CCNY: variants seen among roughly 807,000 people sequenced by gnomAD.
The protein encoded by CCNY is cyclin Y.
A neutral mutation model predicts 42.8 loss-of-function variants in CCNY; 19 were observed. The observed-to-expected ratio is 0.44, with a 90% CI of 0.31 to 0.65. The LOEUF is 0.65. Ranked by LOEUF, CCNY falls within the 30% of genes least tolerant of loss-of-function variation. The probability of loss-of-function intolerance (pLI) is 0.07; values close to 1 mark genes in which losing one functional copy is unlikely to be tolerated. For synonymous variants in CCNY, 165 were observed against 162.7 expected (o/e 1.01, Z -0.11); for missense variants, 370 against 437.3 (o/e 0.85, Z 1.37).
chr10:35,269,922 C>T (rs1344845458), intron 3 of CCNY, among the ~76,000 whole-genome samples: 1 of 152,152 alleles, frequency 6.6e-6, no homozygotes, highest in African/African-American at 2.4e-5. Context: ...CCAAGTTCAT[C>T]ACTCTTAAAT....
At chr10:35,254,621 G>A (rs1036245937) in intron 3 of CCNY, among the ~76,000 whole-genome samples, 5 of 151,950 alleles carry the variant, frequency 3.3e-5, no homozygotes, top group Non-Finnish European at 5.9e-5. Context: ...GAGCCCAGGA[G>A]TTCAAGACCA....
At chr10:35,406,832 G>A (rs71487402) in intron 1 of CCNY, among the ~76,000 whole-genome samples, 11 of 151,848 alleles carry the variant, frequency 7.2e-5, no homozygotes, top group African/African-American at 2.4e-4. Context: ...CTCACCTCCC[G>A]GATGGGGCGG....
At chr10:35,405,157 CAG>C (rs1030898685) in intron 1 of CCNY, among the ~76,000 whole-genome samples, 5 of 152,084 alleles carry the variant, frequency 3.3e-5, no homozygotes, top group African/African-American at 7.2e-5. Flanking sequence ...ACAGGTAAAA[CAG>C]GGGAATTGTA....
intron 1 of CCNY, among the ~76,000 whole-genome samples, chr10:35,369,578 C>T (rs1323737251): frequency 1.3e-5 from 2 of 152,138 alleles, no homozygotes; most frequent in African/African-American, 4.8e-5. Flanking sequence ...GAGAAAACTA[C>T]TCTATTGAGG....
At chr10:35,507,135 A>G (rs1477876275) in intron 3 of CCNY, among the ~76,000 whole-genome samples, 1 of 152,214 alleles carries the variant, frequency 6.6e-6, no homozygotes, top group Non-Finnish European at 1.5e-5. Flanking sequence ...GAGAGAAGAA[A>G]GGAATGAAGT....
chr10:35,543,621 A>G (rs534825542), intron 7 of CCNY, among the ~76,000 whole-genome samples: 18 of 152,224 alleles, frequency 1.2e-4, no homozygotes, highest in Non-Finnish European at 1.9e-4. Context: ...ATACTTGATA[A>G]TAAACGACTC....
chr10:35,346,330 T>G (rs567445285), intron 1 of CCNY, among the ~76,000 whole-genome samples: 7 of 152,320 alleles, frequency 4.6e-5, no homozygotes, highest in Non-Finnish European at 8.8e-5. Context: ...CTAGGCTCTC[T>G]GTCTCCCTTT....
chr10:35,429,502 A>G (rs1838338400), intron 1 of CCNY, among the ~76,000 whole-genome samples: 3 of 152,230 alleles, frequency 2.0e-5, no homozygotes, highest in Admixed American at 6.5e-5. Context: ...GAGACAAAAG[A>G]GTTTGAAAAT....
intron 1 of CCNY, among the ~76,000 whole-genome samples, chr10:35,418,470 A>G (rs142655774): frequency 1.2e-4 from 18 of 152,334 alleles, no homozygotes; most frequent in Middle Eastern, 6.8e-3. Context: ...GTTTTCATCT[A>G]TGAAGCAGTG....
Position 35,571,868 on chromosome 10 carries a change from A to C in CCNY, c.*2698A>C, listed in dbSNP as rs1327181207. 1 of 152,366 alleles carries C rather than the reference A, an allele frequency of 6.6e-6. No homozygotes were observed. The highest frequency in any genetic ancestry group is 2.4e-5 in the African/African-American group (1 of 41,464). 9.4% of individuals were successfully genotyped at this position (152,366 alleles called of 1,614,324 possible). A position where few individuals can be genotyped will look rare whatever the true frequency, so the allele number is the denominator to read the frequency against. On this transcript the variant is annotated 3_prime_UTR_variant, in exon 10 of 10. Transcript: ENST00000374704. ...GATGAAGGAAACGACACAATTTGTTACTTTAATTTTATATTTGATTTAAAC... is the reference window on the plus strand; with the variant it reads ...GATGAAGGAAACGACACAATTTGTTCCTTTAATTTTATATTTGATTTAAAC...
chr10:35,278,458 G>A (rs1392580920), intron 3 of CCNY, among the ~76,000 whole-genome samples: 1 of 151,988 alleles, frequency 6.6e-6, no homozygotes, highest in African/African-American at 2.4e-5. Context: ...TTGCCAGCAG[G>A]GATCCAGCTC....
At chr10:35,442,629 A>G (rs1204234163) in intron 1 of CCNY, among the ~76,000 whole-genome samples, 3 of 152,220 alleles carry the variant, frequency 2.0e-5, no homozygotes, top group African/African-American at 7.2e-5. Context: ...AGCATGATGT[A>G]TTTGGTGAGT....
chr10:35,340,558 G>A (rs1836155763), intron 1 of CCNY, among the ~76,000 whole-genome samples: 1 of 148,044 alleles, frequency 6.8e-6, no homozygotes. Flanking sequence ...AGGCTGGAGT[G>A]CAGTGGCATA....
rs183150405 is a variant in CCNY, at chr10:35,374,998, A to G, written c.154+37791A>G. On this transcript the variant is annotated intron_variant, in intron 1 of 9. Transcript: ENST00000374704. ...AATCTCAAGGGAAAAGAGTGTGGCCAGGTCAGGGCCTCTATCTTATGAAAT... is the reference window on the plus strand; with the variant it reads ...AATCTCAAGGGAAAAGAGTGTGGCCGGGTCAGGGCCTCTATCTTATGAAAT... Among the ~76,000 whole-genome samples the G allele has an allele frequency of 6.6e-5, 10 of 152,226 alleles. No individual in the cohort carries two copies. In the East Asian group the frequency reaches 1.9e-3, roughly 29 times the overall value.
intron 1 of CCNY, among the ~76,000 whole-genome samples, chr10:35,462,349 CCT>C (rs1356872082): frequency 4.6e-5 from 7 of 152,136 alleles, no homozygotes; most frequent in Non-Finnish European, 7.3e-5. Flanking sequence ...GTATCCGCTC[CCT>C]TTCTCCTGTA....
chr10:35,260,499 A>C (rs557014241), intron 3 of CCNY, among the ~76,000 whole-genome samples: 3 of 152,230 alleles, frequency 2.0e-5, no homozygotes, highest in Admixed American at 6.5e-5. Flanking sequence ...TTGAGAAAGC[A>C]TCCAGTTGGC....
At position 35,516,670 on chromosome 10, in the gene CCNY, T is replaced by TCC. The variant is rs769388170; in HGVS notation, c.365+47_365+48insCC. ...CTTCCTTCCTTCCTTCCTTTTTTTT[T>TCC]TTTTTTTTTTTTTTTTTTACTTAAC... On this transcript the variant is annotated intron_variant, in intron 4 of 9. Transcript: ENST00000374704. 3,955 of 1,016,990 alleles carry TCC rather than the reference T, an allele frequency of 3.9e-3. 64 individuals carry two copies. In the African/African-American group the frequency reaches 0.064, roughly 17 times the overall value. The allele number at this position is 1,016,990 out of a possible 1,614,324, so 63.0% of individuals were successfully genotyped here.
In CCNY at chr10:35,514,720, A is replaced by G. The variant is rs79863571; in HGVS notation, c.265-1803A>G. ...AGGAAACAATTGAAACCCACAAGAA[A>G]CACAAATGAAATATTATTGTCCTTT... On this transcript the variant is annotated intron_variant, in intron 3 of 9. Coordinates refer to ENST00000374704, the MANE Select transcript of CCNY (RefSeq NM_145012.6). 5.7e-3 allele frequency among the ~76,000 whole-genome samples: 876 copies of G among 152,348 alleles called. 23 individuals are homozygous for G. The highest frequency in any genetic ancestry group is 0.04 in the East Asian group (208 of 5,194).
At chr10:35,326,200 T>G (rs1762603753) in intron 3 of CCNY, among the ~76,000 whole-genome samples, 1 of 151,828 alleles carries the variant, frequency 6.6e-6, no homozygotes, top group Non-Finnish European at 1.5e-5. Flanking sequence ...CCAGGTGGAG[T>G]GCAGTGGCAC....
Sources: allele counts gnomAD v4.1 joint callset (sites outside exome capture counted in the v4.1 genomes callset), GRCh38; gene constraint gnomAD v4.1.1; transcripts MANE v1.5; gene names NCBI Gene and HGNC (gene_info 2026-07-23, HGNC 2026-07-21).